TGOLN2: variants seen among roughly 807,000 people sequenced by gnomAD.
TGOLN2 encodes trans-golgi network protein 2, also known as trans-Golgi network integral membrane protein 2.
In TGOLN2, 19 loss-of-function variants were observed where a neutral mutation model predicts 31.3. The observed-to-expected ratio is 0.61, with a 90% CI of 0.42 to 0.89. The LOEUF is 0.89. Among genes scored for constraint, TGOLN2 ranks in the 40% least tolerant of loss-of-function variants. TGOLN2 has a pLI of 0.00. For missense variants in TGOLN2, 540 were observed against 559.2 expected (o/e 0.97, Z 0.35); for synonymous variants, 222 against 226.7 (o/e 0.98, Z 0.19).
Position 85,327,165 on chromosome 2 carries a change from T to G in TGOLN2, c.567A>C (p.Pro189=), listed in dbSNP as rs747163900. 1 of 1,613,772 alleles carries G rather than the reference T, an allele frequency of 6.2e-7. No homozygotes were observed. ...PNKSGADGQT[P]KDGSSKSGAE... is the part of the protein sequence containing the mutation. ...CACCCGACTTGCTGGAGCCGTCTTT[T>G]GGGGTCTGGCCGTCCGCACCCGACT... Residue 189 remains proline, a synonymous_variant, in exon 2 of 4, where the codon CCA becomes CCC. Transcript: ENST00000377386.
rs901283981 is a variant in TGOLN2 at position 85,327,542 on chromosome 2, T to A, written c.190A>T (p.Lys64Ter). The change falls in exon 2 of 4, where the codon AAA becomes TAA. Residue 64 changes from lysine to a stop codon, truncating the protein, a stop_gained. Transcript: ENST00000377386. LOFTEE classifies it high-confidence loss of function. ...TKSHPEPQTP[K>*]DSPSKSSAEA... ...GCACTCGACTTGCTAGGGCTGTCTT[T>A]TGGAGTCTGCGGCTCCGGATGCGAC... is the stretch of plus-strand genomic sequence containing the variant. 6.2e-7 allele frequency: 1 copy of A among 1,613,952 alleles called. No homozygotes were observed. The highest frequency in any genetic ancestry group is 1.3e-5 in the African/African-American group (1 of 74,948).
chr2:85,322,849 G>T, intron 3 of TGOLN2, 108 bp from the exon 4 acceptor site: 1 of 1,533,014 alleles, frequency 6.5e-7, no homozygotes. Context: ...CACACAAAAT[G>T]ATTTTTAAAG....
In TGOLN2 at chr2:85,324,927, A is replaced by G; in HGVS notation, c.1296T>C (p.Arg432=). ...CCTCCTTCCTTACCTTCTGGTCCAA[A>G]CGTTGGTAGTCACTGGCCTTTGGCC... ...TRRPKASDYQ[R]LDQKS The change falls in exon 3 of 4, where the codon CGT becomes CGC. Residue 432 remains arginine, a synonymous_variant. Transcript: ENST00000377386. 1 of 1,554,928 alleles carries G rather than the reference A, an allele frequency of 6.4e-7. No individual in the cohort carries two copies. The highest frequency in any genetic ancestry group is 1.2e-5 in the South Asian group (1 of 84,338).
chr2:85,319,694 T>C lies in TGOLN2; in HGVS notation c.*3042A>G, dbSNP rs1682484579. The C allele has an allele frequency of 1.3e-5, 2 of 152,158 alleles. No individual in the cohort carries two copies. The highest frequency in any genetic ancestry group is 2.1e-4 in the South Asian group (1 of 4,830). The allele number at this position is 152,158 out of a possible 1,614,324, so 9.4% of individuals were successfully genotyped here. On this transcript the variant is annotated 3_prime_UTR_variant, in exon 4 of 4. Transcript: ENST00000377386. ...ACATGTATAAGGTCACAGCAAGTGG[T>C]AGCCAGGAAAAGCTGTGGGACCCCT... is the stretch of plus-strand genomic sequence containing the variant.
rs1802093 is a variant in TGOLN2, at chr2:85,322,698, G to A, written c.*38C>T. On this transcript the variant is annotated 3_prime_UTR_variant, in exon 4 of 4. Transcript: ENST00000377386. ...GAAACGAGAGCAGCACAATCCATTGGTGACGTTCATCTTTTTCCAGAGGAA... is the reference window on the plus strand; with the variant it reads ...GAAACGAGAGCAGCACAATCCATTGATGACGTTCATCTTTTTCCAGAGGAA... 56 of 1,611,822 alleles carry A rather than the reference G, an allele frequency of 3.5e-5. No homozygotes were observed. In the African/African-American group the frequency reaches 6.8e-4, roughly 20 times the overall value.
At position 85,326,539 on chromosome 2, in the gene TGOLN2, A is replaced by G. The variant is rs747493470; in HGVS notation, c.1193T>C (p.Val398Ala). ...CTTGTTGTGATGAGCGATATAGAGG[A>G]CAGCCACAAGAATGGCTGCAGTCAC... The part of the protein sequence containing the change: ...YLVTAAILVA[V>A]LYIAHHNKRK... Residue 398 changes from valine to alanine, a missense_variant, in exon 2 of 4, where the codon GTC becomes GCC. Val to Ala is a moderately conservative substitution (Grantham distance 64). Transcript: ENST00000377386. 1 of 1,613,748 alleles carries G rather than the reference A, an allele frequency of 6.2e-7. No individual in the cohort carries two copies. The highest frequency in any genetic ancestry group is 1.3e-5 in the African/African-American group (1 of 74,914).
rs911190487 is a variant in TGOLN2, at chr2:85,322,501, A to G, written c.*235T>C. 7.2e-5 allele frequency: 50 copies of G among 698,694 alleles called. No individual in the cohort carries two copies. In the South Asian group the frequency reaches 7.4e-4, roughly 10 times the overall value. 43.3% of individuals were successfully genotyped at this position (698,694 alleles called of 1,614,324 possible). The stretch of plus-strand genomic sequence containing the variant: ...GGGAACACAGAAGAACAATGTCACC[A>G]AAGTGCAGGTGCAAAGCCCAAAGCA... On this transcript the variant is annotated 3_prime_UTR_variant, in exon 4 of 4. Coordinates refer to ENST00000377386, the MANE Select transcript of TGOLN2 (RefSeq NM_006464.4).
At position 85,324,953 on chromosome 2, in the gene TGOLN2, G is replaced by C; in HGVS notation, c.1270C>G (p.Arg424Gly). The change falls in exon 3 of 4, where the codon CGG (arginine) becomes GGG (glycine). Residue 424 changes from arginine (R) to glycine (G), a missense_variant. By Grantham distance (125) the Arg-to-Gly change is moderately radical. Coordinates refer to ENST00000377386, the MANE Select transcript of TGOLN2 (RefSeq NM_006464.4). ...LEGKRSKVTR[R>G]PKASDYQRLD... ...CGTTGGTAGTCACTGGCCTTTGGCC[G>C]CCGGGTGACTTTAGATCTTTTTCCT... 2 of 1,554,844 alleles carry C rather than the reference G, an allele frequency of 1.3e-6. No individual in the cohort carries two copies. Among genetic ancestry groups the C allele is most frequent in the Non-Finnish European group, 1.7e-6 (2 of 1,148,394 alleles).
At chr2:85,326,108 G>T (rs562321101) in intron 2 of TGOLN2, among the ~76,000 whole-genome samples, 176 of 152,306 alleles carry the variant, frequency 1.2e-3, no homozygotes, top group African/African-American at 4.0e-3. Context: ...ATGGAAGAGA[G>T]AATGTTGGGA....
rs1032337511 is a variant in TGOLN2 at position 85,324,896 on chromosome 2, C to T, written c.1308+19G>A. ...TATCCCTCCTATCCCTCCCATGGAC[C>T]TGGCTCCTCCTTCCTTACCTTCTGG... On this transcript the variant is annotated intron_variant, in intron 3 of 3. Transcript: ENST00000377386. The T allele has an allele frequency of 2.6e-6, 4 of 1,552,270 alleles. No individual in the cohort carries two copies. Among genetic ancestry groups the T allele is most frequent in the Non-Finnish European group, 3.5e-6 (4 of 1,147,116 alleles).
At chr2:85,322,975 G>C (rs1408885856) in intron 3 of TGOLN2, among the ~76,000 whole-genome samples, 1 of 152,102 alleles carries the variant, frequency 6.6e-6, no homozygotes, top group Non-Finnish European at 1.5e-5. Flanking sequence ...TTTTTTGTTG[G>C]TGGTGGTTTT....
intron 3 of TGOLN2, 41 bp downstream of exon 3, chr2:85,324,874 C>T: frequency 1.3e-6 from 2 of 1,531,978 alleles, no homozygotes; most frequent in Non-Finnish European, 1.8e-6. Flanking sequence ...CGTTGCCTAT[C>T]CCTCCTATCC....
intron 3 of TGOLN2, among the ~76,000 whole-genome samples, chr2:85,324,037 C>T (rs1682642594): frequency 6.6e-6 from 1 of 152,204 alleles, no homozygotes; most frequent in Non-Finnish European, 1.5e-5. Flanking sequence ...CTATGTGCTT[C>T]CAGGCTCGTG....
intron 2 of TGOLN2, among the ~76,000 whole-genome samples, chr2:85,325,444 G>A (rs1010352036): frequency 6.6e-6 from 1 of 152,044 alleles, no homozygotes; most frequent in Non-Finnish European, 1.5e-5. Context: ...AGGTTACCCT[G>A]CATAATGGAC....
intron 3 of TGOLN2, chr2:85,324,697 A>C: frequency 1.7e-6 from 1 of 597,692 alleles, no homozygotes. Context: ...TAGCTGCTGT[A>C]GAGTATTCCA....
chr2:85,320,373 G>A lies in TGOLN2; in HGVS notation c.*2363C>T, dbSNP rs1197380133. 1 of 152,146 alleles carries A rather than the reference G, an allele frequency of 6.6e-6. No individual in the cohort carries two copies. The highest frequency in any genetic ancestry group is 1.5e-5 in the Non-Finnish European group (1 of 68,038). 9.4% of individuals were successfully genotyped at this position (152,146 alleles called of 1,614,324 possible). ...GTGGATCTGAAAAAACAAAATCCAA[G>A]AGAGAAGCAAAATGGGCTGGGGGTG... is the stretch of plus-strand genomic sequence containing the variant. On this transcript the variant is annotated 3_prime_UTR_variant, in exon 4 of 4. Coordinates refer to ENST00000377386, the MANE Select transcript of TGOLN2 (RefSeq NM_006464.4).
At chr2:85,327,759 C>A in intron 1 of TGOLN2, 74 bp from the exon 2 acceptor site, 2 of 374,888 alleles carry the variant, frequency 5.3e-6, no homozygotes, top group Non-Finnish European at 4.3e-6. Context: ...TGGAAGAGAT[C>A]GGGAGCAGCG....
Position 85,322,506 on chromosome 2 carries a change from G to A in TGOLN2, c.*230C>T, listed in dbSNP as rs1485133396. On this transcript the variant is annotated 3_prime_UTR_variant, in exon 4 of 4. Coordinates refer to ENST00000377386, the MANE Select transcript of TGOLN2 (RefSeq NM_006464.4). ...CACAGAAGAACAATGTCACCAAAGTGCAGGTGCAAAGCCCAAAGCAGCCCC... is the reference window on the plus strand; with the variant it reads ...CACAGAAGAACAATGTCACCAAAGTACAGGTGCAAAGCCCAAAGCAGCCCC... 20 of 715,968 alleles carry A rather than the reference G, an allele frequency of 2.8e-5. No individual in the cohort carries two copies. The highest frequency in any genetic ancestry group is 3.8e-5 in the Non-Finnish European group (17 of 444,542). The allele number at this position is 715,968 out of a possible 1,614,324, so 44.4% of individuals were successfully genotyped here.
chr2:85,326,778 A>C lies in TGOLN2; in HGVS notation c.954T>G (p.Thr318=). ...CAGCCTCTTTGGGCTCCACATCCTC[A>C]GTAGGCTCTGAAGACTTAACTTCCT... ...PQEEVKSSEP[T]EDVEPKEAED... The change falls in exon 2 of 4, where the codon ACT becomes ACG. Residue 318 remains threonine, a synonymous_variant. Coordinates refer to ENST00000377386, the MANE Select transcript of TGOLN2 (RefSeq NM_006464.4). 6.2e-7 allele frequency: 1 copy of C among 1,613,978 alleles called. No individual in the cohort carries two copies. The highest frequency in any genetic ancestry group is 1.1e-5 in the South Asian group (1 of 91,082).
Sources: allele counts gnomAD v4.1 joint callset (sites outside exome capture counted in the v4.1 genomes callset), GRCh38; gene constraint gnomAD v4.1.1; transcripts MANE v1.5; gene names NCBI Gene and HGNC (gene_info 2026-07-23, HGNC 2026-07-21).